The following UNC5C variants were observed in gnomAD, a reference collection of about 807,000 sequenced individuals.
UNC5C encodes the protein unc-5 netrin receptor C.
Under a neutral mutation model 99.8 loss-of-function variants are expected in UNC5C, and 47 were observed. The observed-to-expected ratio is 0.47, with a 90% CI of 0.37 to 0.60. UNC5C has a LOEUF of 0.60. Among genes scored for constraint, UNC5C ranks in the 20% least tolerant of loss-of-function variants. UNC5C has a pLI of 0.00. For synonymous variants in UNC5C, 487 were observed against 452.2 expected (o/e 1.08, Z -0.98); for missense variants, 1,062 against 1,165.9 (o/e 0.91, Z 1.30).
chr4:95,530,974 C>G (rs1722624537), intron 1 of UNC5C, among the ~76,000 whole-genome samples: 1 of 152,112 alleles, frequency 6.6e-6, no homozygotes. Flanking sequence ...AAATAAAGAA[C>G]AAAGCTTTGT....
At chr4:95,277,092 G>T (rs774984815) in intron 4 of UNC5C, among the ~76,000 whole-genome samples, 1 of 152,000 alleles carries the variant, frequency 6.6e-6, no homozygotes, top group Non-Finnish European at 1.5e-5. Context: ...ACTATGAGAA[G>T]TAAAATAGTA....
intron 1 of UNC5C, among the ~76,000 whole-genome samples, chr4:95,482,349 T>G (rs988018152): frequency 6.6e-6 from 1 of 151,982 alleles, no homozygotes; most frequent in Non-Finnish European, 1.5e-5. Flanking sequence ...CATTAAAAAG[T>G]CAGGAAACAA....
intron 2 of UNC5C, among the ~76,000 whole-genome samples, chr4:95,326,685 T>A (rs975881532): frequency 5.3e-5 from 8 of 152,228 alleles, no homozygotes; most frequent in Non-Finnish European, 1.2e-4. Flanking sequence ...TAATGAATGA[T>A]CTTCAATCAG....
chr4:95,240,889 G>A (rs145168707), intron 7 of UNC5C, among the ~76,000 whole-genome samples: 1,702 of 152,202 alleles, frequency 0.011, 37 homozygotes, highest in African/African-American at 0.038. Context: ...GTTCTGTCTC[G>A]TGGCATTGTA....
At chr4:95,246,838 T>C (rs1482241390) in intron 5 of UNC5C, among the ~76,000 whole-genome samples, 3 of 152,066 alleles carry the variant, frequency 2.0e-5, no homozygotes, top group African/African-American at 7.2e-5. Flanking sequence ...GATGGGCAGA[T>C]TGCTTGAGTC....
chr4:95,192,851 A>AG (rs1737209769), intron 12 of UNC5C, among the ~76,000 whole-genome samples: 2 of 152,114 alleles, frequency 1.3e-5, no homozygotes, highest in African/African-American at 4.8e-5. Flanking sequence ...CAGTTTTTCA[A>AG]GGGGCAGTTA....
chr4:95,201,826 G>A (rs371494271), intron 12 of UNC5C, among the ~76,000 whole-genome samples: 15 of 152,190 alleles, frequency 9.9e-5, no homozygotes, highest in East Asian at 1.9e-4. Flanking sequence ...GGATGGTCTT[G>A]ATCTCCTGAC....
chr4:95,293,797 C>T (rs984999556), intron 3 of UNC5C, among the ~76,000 whole-genome samples: 4 of 152,218 alleles, frequency 2.6e-5, no homozygotes, highest in East Asian at 3.9e-4. Flanking sequence ...TTTAATCTCC[C>T]GTTGCTCTCA....
chr4:95,345,798 T>C (rs1380979486), intron 1 of UNC5C, among the ~76,000 whole-genome samples: 1 of 151,910 alleles, frequency 6.6e-6, no homozygotes, highest in Non-Finnish European at 1.5e-5. Flanking sequence ...AAAAATTTAT[T>C]GAAACAAATG....
intron 1 of UNC5C, among the ~76,000 whole-genome samples, chr4:95,547,155 A>C (rs907613221): frequency 6.6e-6 from 1 of 152,088 alleles, no homozygotes; most frequent in Non-Finnish European, 1.5e-5. Flanking sequence ...TCCTTTTTAA[A>C]TAGACAGACA....
chr4:95,195,244 C>T (rs1560725750), intron 12 of UNC5C, among the ~76,000 whole-genome samples: 1 of 152,162 alleles, frequency 6.6e-6, no homozygotes, highest in Non-Finnish European at 1.5e-5. Flanking sequence ...AATTCAGTGA[C>T]CAGGGCCACC....
In UNC5C at chr4:95,166,435, A is replaced by G. The variant is rs1417212972; in HGVS notation, c.*2799T>C. 1 of 152,232 alleles carries G rather than the reference A, an allele frequency of 6.6e-6. No individual in the cohort carries two copies. Among genetic ancestry groups the G allele is most frequent in the Non-Finnish European group, 1.5e-5 (1 of 68,044 alleles). 9.4% of individuals were successfully genotyped at this position (152,232 alleles called of 1,614,324 possible). On this transcript the variant is annotated 3_prime_UTR_variant, in exon 16 of 16. Coordinates refer to ENST00000453304, the MANE Select transcript of UNC5C (RefSeq NM_003728.4). ...GATGAGTACCTCACACACGAAATCA[A>G]TCACTTTTCCCTTTTCTGGTGGTGG...
chr4:95,204,595 G>A (rs1406306509), intron 11 of UNC5C, among the ~76,000 whole-genome samples: 1 of 152,198 alleles, frequency 6.6e-6, no homozygotes, highest in Non-Finnish European at 1.5e-5. Flanking sequence ...TAATTAACTC[G>A]AATTTAAAAG....
intron 1 of UNC5C, among the ~76,000 whole-genome samples, chr4:95,348,020 G>C (rs1743841984): frequency 6.6e-6 from 1 of 151,998 alleles, no homozygotes; most frequent in Non-Finnish European, 1.5e-5. Flanking sequence ...TCTGACAAGA[G>C]ATTAGTAACT....
At chr4:95,413,632 T>A (rs79411942) in intron 1 of UNC5C, among the ~76,000 whole-genome samples, 2,753 of 152,332 alleles carry the variant, frequency 0.018, 86 homozygotes, top group African/African-American at 0.063. Context: ...CTGCGGAAAG[T>A]GTTTTCTGGG....
intron 1 of UNC5C, among the ~76,000 whole-genome samples, chr4:95,440,025 T>A (rs1746903640): frequency 6.6e-6 from 1 of 152,234 alleles, no homozygotes; most frequent in Non-Finnish European, 1.5e-5. Flanking sequence ...ATTTCTCTCC[T>A]GCATTTTGTG....
chr4:95,493,836 G>A (rs1351565117), intron 1 of UNC5C, among the ~76,000 whole-genome samples: 3 of 151,294 alleles, frequency 2.0e-5, no homozygotes, highest in Non-Finnish European at 3.0e-5. Flanking sequence ...CAACCTAAAG[G>A]CCAATTCTGC....
chr4:95,246,245 T>G (rs991111985), intron 5 of UNC5C, among the ~76,000 whole-genome samples: 3 of 152,152 alleles, frequency 2.0e-5, no homozygotes, highest in Non-Finnish European at 1.5e-5. Flanking sequence ...TTAAAAGTGA[T>G]ACTGTAGAAG....
rs527891509 is a variant in UNC5C, at chr4:95,340,526, GAAGACA to G, written c.125-4901_125-4896del. Among the ~76,000 whole-genome samples, 139 of 152,156 alleles carry G rather than the reference GAAGACA, an allele frequency of 9.1e-4. 1 individual carries two copies. Among genetic ancestry groups the G allele is most frequent in the African/African-American group, 3.2e-3 (133 of 41,530 alleles). ...AATATTTTGATTAAAATATCCTCAG[GAAGACA>G]AAGACTATGGTCTATATTTCAAGCA... On this transcript the variant is annotated intron_variant, in intron 1 of 15. Transcript: ENST00000453304.
Sources: allele counts gnomAD v4.1 joint callset (sites outside exome capture counted in the v4.1 genomes callset), GRCh38; gene constraint gnomAD v4.1.1; transcripts MANE v1.5; gene names NCBI Gene and HGNC (gene_info 2026-07-23, HGNC 2026-07-21).